The following TRRAP variants were observed in gnomAD, a reference collection of about 807,000 sequenced individuals.
TRRAP encodes the protein transformation/transcription domain-associated protein.
In TRRAP, 41 loss-of-function variants were observed where a neutral mutation model predicts 438.8. That is an observed-to-expected ratio of 0.09 (90% CI 0.07 to 0.12). TRRAP has a LOEUF of 0.12. TRRAP is among the 10% of genes least tolerant of loss of function. The pLI is 1.00. For synonymous variants in TRRAP, 1,994 were observed against 1,962.9 expected (o/e 1.02, Z -0.42); for missense variants, 3,122 against 5,055.1 (o/e 0.62, Z 11.60).
intron 30 of TRRAP, among the ~76,000 whole-genome samples, chr7:98,942,079 T>C (rs868938452): frequency 5.3e-5 from 8 of 152,220 alleles, no homozygotes; most frequent in Non-Finnish European, 1.0e-4. Context: ...GTTTTAGCTT[T>C]AAGGCCCGGG....
chr7:98,897,736 T>A lies in TRRAP; in HGVS notation c.508-5T>A. 1 of 1,612,838 alleles carries A rather than the reference T, an allele frequency of 6.2e-7. No individual in the cohort carries two copies. The highest frequency in any genetic ancestry group is 8.5e-7 in the Non-Finnish European group (1 of 1,179,590). ...GGAAAAAATATTTTTATGACTTTTA[T>A]GTAGAACCGCTACTTTGAGAACCCT... On this transcript the variant is annotated splice_polypyrimidine_tract_variant and splice_region_variant and intron_variant, in intron 7 of 72. Transcript: ENST00000456197.
chr7:98,953,149 C>T lies in TRRAP; in HGVS notation c.5464-18C>T, dbSNP rs1791420437. ...AGTTCACAACTGGAAATGAGTCCTT[C>T]CTGCTGTCCCTGCACAGGTCCTGGA... On this transcript the variant is annotated intron_variant, in intron 39 of 72. Coordinates refer to ENST00000456197, the MANE Select transcript of TRRAP (RefSeq NM_001375524.1). The T allele has an allele frequency of 6.2e-7, 1 of 1,603,482 alleles. No homozygotes were observed. The highest frequency in any genetic ancestry group is 1.3e-5 in the African/African-American group (1 of 74,386).
intron 19 of TRRAP, 99 bp from the exon 20 acceptor site, chr7:98,917,324 T>C (rs1789559200): frequency 7.3e-6 from 11 of 1,503,510 alleles, no homozygotes; most frequent in Non-Finnish European, 9.9e-6. Context: ...GTTGTGCTGA[T>C]GTGCACAAGA....
intron 27 of TRRAP, 45 bp from the exon 28 acceptor site, chr7:98,935,534 T>A: frequency 6.4e-7 from 1 of 1,553,616 alleles, no homozygotes; most frequent in African/African-American, 1.4e-5. Context: ...TTATTATGTC[T>A]TCACAGGAAG....
intron 63 of TRRAP, among the ~76,000 whole-genome samples, chr7:98,989,818 T>C (rs1793310962): frequency 6.6e-6 from 1 of 152,230 alleles, no homozygotes; most frequent in African/African-American, 2.4e-5. Context: ...TTGGATGAGA[T>C]CATGAGTGTA....
At chr7:98,909,919 A>G in intron 14 of TRRAP, 137 bp from the exon 15 acceptor site, 2 of 1,429,894 alleles carry the variant, frequency 1.4e-6, no homozygotes, top group Non-Finnish European at 1.8e-6. Flanking sequence ...AATTCCTTTG[A>G]CACCAACCTC....
Position 98,961,567 on chromosome 7 carries a change from G to A in TRRAP, c.6703+93G>A, listed in dbSNP as rs559701523. The A allele has an allele frequency of 1.6e-5, 23 of 1,446,498 alleles. No homozygotes were observed. In the East Asian group the frequency reaches 3.7e-4, roughly 23 times the overall value. 89.6% of individuals were successfully genotyped at this position (1,446,498 alleles called of 1,614,324 possible). A position where few individuals can be genotyped will look rare whatever the true frequency, so the allele number is the denominator to read the frequency against. On this transcript the variant is annotated intron_variant, in intron 46 of 72. Transcript: ENST00000456197. ...GCGCTTGTCCTCCAGTTATTGTGTCGAGCGCTTTGTTATCACTTTCCTTTC... is the reference window on the plus strand; with the variant it reads ...GCGCTTGTCCTCCAGTTATTGTGTCAAGCGCTTTGTTATCACTTTCCTTTC...
intron 18 of TRRAP, among the ~76,000 whole-genome samples, chr7:98,914,700 C>CA (rs1789436847): frequency 1.0e-5 from 1 of 98,376 alleles, no homozygotes; most frequent in Admixed American, 1.8e-4. Context: ...GCCTGGGAGA[C>CA]AGAGTGAGAC....
rs376309341 is a variant in TRRAP at position 98,915,704 on chromosome 7, C to T, written c.2200-19C>T. On this transcript the variant is annotated intron_variant, in intron 18 of 72. Coordinates refer to ENST00000456197, the MANE Select transcript of TRRAP (RefSeq NM_001375524.1). Reference sequence around the variant, plus strand: ...TCCTCATTTAGATGCCACTAATCTGCGTCTTCTCCACCCCGCAGCCTCACT... The same window carrying T: ...TCCTCATTTAGATGCCACTAATCTGTGTCTTCTCCACCCCGCAGCCTCACT... 61 of 1,610,518 alleles carry T rather than the reference C, an allele frequency of 3.8e-5. No homozygotes were observed. The highest frequency in any genetic ancestry group is 1.7e-4 in the Middle Eastern group (1 of 5,992).
chr7:98,878,845 G>T (rs868992814), intron 1 of TRRAP, among the ~76,000 whole-genome samples: 3 of 152,140 alleles, frequency 2.0e-5, no homozygotes, highest in African/African-American at 7.2e-5. Context: ...TGTGGGAGGC[G>T]CAGCGCTCGC....
intron 60 of TRRAP, 122 bp from the exon 61 acceptor site, chr7:98,983,971 C>A: frequency 1.6e-6 from 2 of 1,287,426 alleles, no homozygotes; most frequent in Non-Finnish European, 2.1e-6. Flanking sequence ...GAGGGTTTAT[C>A]ACAGAGCTGC....
rs1363247584 is a variant in TRRAP, at chr7:98,897,676, G to T, written c.508-65G>T. 8.6e-5 allele frequency: 103 copies of T among 1,193,292 alleles called. No homozygotes were observed. In the East Asian group the frequency reaches 9.3e-4, roughly 11 times the overall value. The allele number at this position is 1,193,292 out of a possible 1,614,324, so 73.9% of individuals were successfully genotyped here. ...GCGTCTTTTTGTTTTGTTTTGTTTT[G>T]TTTTGTTTTTGAATGAATATTGGGT... On this transcript the variant is annotated intron_variant, in intron 7 of 72. Transcript: ENST00000456197.
chr7:99,005,040 C>A lies in TRRAP; in HGVS notation c.10536-91C>A. On this transcript the variant is annotated intron_variant, in intron 68 of 72. Coordinates refer to ENST00000456197, the MANE Select transcript of TRRAP (RefSeq NM_001375524.1). The surrounding 1 kb of genome is among the most constrained non-coding windows in gnomAD (Gnocchi z 5.1). ...CGCTGGCCTACACAGTCCGTTTTCC[C>A]GTGACAGTTCGGACATTCCTAGCTT... 7.4e-7 allele frequency: 1 copy of A among 1,343,524 alleles called. No homozygotes were observed. The highest frequency in any genetic ancestry group is 1.4e-5 in the African/African-American group (1 of 69,860). 83.2% of individuals were successfully genotyped at this position (1,343,524 alleles called of 1,614,324 possible).
At chr7:98,923,713 C>G (rs1362594125) in intron 21 of TRRAP, among the ~76,000 whole-genome samples, 1 of 152,206 alleles carries the variant, frequency 6.6e-6, no homozygotes, top group Admixed American at 6.5e-5. Context: ...CTTGTGTGCA[C>G]TGCGTGTCTC....
Position 99,011,470 on chromosome 7 carries a change from G to T in TRRAP, c.11272G>T (p.Val3758Phe). Residue 3758 changes from valine (V) to phenylalanine (F), a missense_variant, in exon 72 of 73, where the codon GTC becomes TTC. Coordinates refer to ENST00000456197, the MANE Select transcript of TRRAP (RefSeq NM_001375524.1). The surrounding 1 kb of genome is among the most constrained non-coding windows in gnomAD (Gnocchi z 7.1). ...NISEFLTTIG[V>F]SGPLTASMIA... ...TTCTGAGTTTCTGACCACCATCGGG[G>T]TCTCCGGCCCGTTGACAGCGTCCAT... The T allele has an allele frequency of 1.2e-6, 2 of 1,614,254 alleles. No individual in the cohort carries two copies. The highest frequency in any genetic ancestry group is 1.7e-6 in the Non-Finnish European group (2 of 1,180,054).
At chr7:98,942,819 C>A in intron 30 of TRRAP, 130 bp from the exon 31 acceptor site, 1 of 942,382 alleles carries the variant, frequency 1.1e-6, no homozygotes, top group Non-Finnish European at 1.6e-6. Flanking sequence ...TAGATGGTTG[C>A]GCTGTTTTAA....
chr7:98,992,883 A>C (rs1017093830), intron 65 of TRRAP, among the ~76,000 whole-genome samples: 1 of 152,178 alleles, frequency 6.6e-6, no homozygotes. Context: ...TTTCAGCTCT[A>C]ACCTCTGGGG....
chr7:98,944,156 G>A (rs954942415), intron 31 of TRRAP, among the ~76,000 whole-genome samples: 2 of 152,158 alleles, frequency 1.3e-5, no homozygotes, highest in Non-Finnish European at 1.5e-5. Flanking sequence ...CCTGGGATGA[G>A]GTGCAGGTGT....
Position 99,011,173 on chromosome 7 carries a change from C to T in TRRAP, c.11060C>T (p.Thr3687Ile). ...TACTGGACGTTCCGGAAGATGTTCA[C>T]CATCCAGCTGGCTCTGATAGGCTTC... ...TDYWTFRKMF[T>I]IQLALIGFAE... The change falls in exon 71 of 73, where the codon ACC becomes ATC. Residue 3687 changes from threonine (T) to isoleucine (I), a missense_variant. Transcript: ENST00000456197. This position sits in a 1 kb window ranked among gnomAD's most constrained non-coding sequence, Gnocchi z 7.1. 1 of 1,614,162 alleles carries T rather than the reference C, an allele frequency of 6.2e-7. No homozygotes were observed. Among genetic ancestry groups the T allele is most frequent in the African/African-American group, 1.3e-5 (1 of 75,026 alleles).
Sources: gnomAD v4.1 joint callset for allele counts (sites outside exome capture counted in the v4.1 genomes callset) on GRCh38, gnomAD v4.1.1 for gene constraint, Gnocchi (gnomAD v3.1) non-coding constraint, MANE v1.5 for transcripts, NCBI Gene and HGNC (gene_info 2026-07-23, HGNC 2026-07-21) for gene names.